The following MAN2A1 variants were observed in gnomAD, a reference collection of about 807,000 sequenced individuals.
MAN2A1 encodes the protein mannosidase alpha class 2A member 1.
A neutral mutation model predicts 142.6 loss-of-function variants in MAN2A1; 76 were observed. The ratio of observed to expected loss-of-function variants is 0.53; its 90% confidence interval spans 0.44 to 0.65. The LOEUF (loss-of-function observed/expected upper bound fraction) is 0.65. Among genes scored for constraint, MAN2A1 ranks in the 30% least tolerant of loss-of-function variants. The probability of loss-of-function intolerance (pLI) is 0.00; values close to 1 mark genes in which losing one functional copy is unlikely to be tolerated. For synonymous variants in MAN2A1, 559 were observed against 473.2 expected (o/e 1.18, Z -2.35); for missense variants, 1,311 against 1,365.1 (o/e 0.96, Z 0.62).
In MAN2A1 at chr5:109,868,818, C is replaced by T. The variant is rs1755942011; in HGVS notation, c.*1820C>T. The T allele has an allele frequency of 6.6e-6, 1 of 152,116 alleles. No homozygotes were observed. The highest frequency in any genetic ancestry group is 2.4e-5 in the African/African-American group (1 of 41,418). The allele number at this position is 152,116 out of a possible 1,614,324, so 9.4% of individuals were successfully genotyped here. A position where few individuals can be genotyped will look rare whatever the true frequency, so the allele number is the denominator to read the frequency against. On this transcript the variant is annotated 3_prime_UTR_variant, in exon 22 of 22. Transcript: ENST00000261483. ...GATGTTAGGGTTGCCAGAAGCAAATCCCAGGAATGAGATCAGTATTTTCAT... is the reference window on the plus strand; with the variant it reads ...GATGTTAGGGTTGCCAGAAGCAAATTCCAGGAATGAGATCAGTATTTTCAT...
rs1376917074 is a variant in MAN2A1 at position 109,855,259 on chromosome 5, A to G, written c.3096A>G (p.Gln1032=). The G allele has an allele frequency of 6.2e-7, 1 of 1,607,796 alleles. No homozygotes were observed. Among genetic ancestry groups the G allele is most frequent in the South Asian group, 1.1e-5 (1 of 89,808 alleles). ...NKFSSPTLEL[Q]GEFSPLQSSL... ...TCTCCTCACCTACCCTTGAGCTGCA[A>G]GGTGAATTCTCTCCATTACAGTCAT... The change falls in exon 20 of 22, where the codon CAA becomes CAG. Residue 1032 remains glutamine (Q), a synonymous_variant. Transcript: ENST00000261483.
chr5:109,713,558 G>A lies in MAN2A1; in HGVS notation c.174G>A (p.Leu58=). 1 of 1,613,044 alleles carries A rather than the reference G, an allele frequency of 6.2e-7. No individual in the cohort carries two copies. The highest frequency in any genetic ancestry group is 8.5e-7 in the Non-Finnish European group (1 of 1,179,102). Reference sequence around the variant, plus strand: ...TGTTGCAAGAAAAAATAGACCATTTGGAGCGTTTGCTAGCTGAGAATAATG... The same window carrying A: ...TGTTGCAAGAAAAAATAGACCATTTAGAGCGTTTGCTAGCTGAGAATAATG... ...LSMLQEKIDH[L]ERLLAENNEI... The change falls in exon 2 of 22, where the codon TTG becomes TTA. Residue 58 remains leucine (L), a synonymous_variant. Coordinates refer to ENST00000261483, the MANE Select transcript of MAN2A1 (RefSeq NM_002372.4).
chr5:109,780,142 C>G (rs989147309), intron 8 of MAN2A1, among the ~76,000 whole-genome samples: 2 of 152,120 alleles, frequency 1.3e-5, no homozygotes, highest in African/African-American at 4.8e-5. Context: ...ACTGCAAGGT[C>G]GGCCTCCTGG....
At chr5:109,774,498 C>G (rs1434941504) in intron 7 of MAN2A1, among the ~76,000 whole-genome samples, 1 of 151,844 alleles carries the variant, frequency 6.6e-6, no homozygotes, top group Non-Finnish European at 1.5e-5. Flanking sequence ...TATTATATGC[C>G]AAGTTGGTAC....
intron 4 of MAN2A1, among the ~76,000 whole-genome samples, chr5:109,733,377 T>C (rs1440662148): frequency 6.6e-6 from 1 of 152,194 alleles, no homozygotes; most frequent in Non-Finnish European, 1.5e-5. Flanking sequence ...CTAATTTCCC[T>C]GGCCAGAACT....
intron 1 of MAN2A1, 52 bp downstream of exon 1, chr5:109,690,604 C>T (rs751393824): frequency 9.7e-6 from 15 of 1,540,532 alleles, no homozygotes; most frequent in East Asian, 2.4e-5. Context: ...GCGTGCGGGC[C>T]CCTGGTTAGC....
At chr5:109,799,901 A>G (rs1753970583) in intron 12 of MAN2A1, among the ~76,000 whole-genome samples, 1 of 152,154 alleles carries the variant, frequency 6.6e-6, no homozygotes, top group Admixed American at 6.5e-5. Flanking sequence ...CAGCCTGGCC[A>G]ACATGGTGAA....
At chr5:109,784,641 G>A in intron 9 of MAN2A1, 103 bp from the exon 10 acceptor site, 2 of 816,702 alleles carry the variant, frequency 2.4e-6, no homozygotes, top group East Asian at 2.7e-5. Flanking sequence ...TGCTTGTACT[G>A]CAATTATGGA....
intron 3 of MAN2A1, among the ~76,000 whole-genome samples, chr5:109,716,999 A>G (rs565861268): frequency 6.6e-6 from 1 of 151,714 alleles, no homozygotes; most frequent in Admixed American, 6.5e-5. Context: ...TTATAATGGG[A>G]CATAGGATTT....
chr5:109,752,348 T>C (rs1292558789), intron 4 of MAN2A1, among the ~76,000 whole-genome samples: 2 of 152,184 alleles, frequency 1.3e-5, no homozygotes, highest in Non-Finnish European at 2.9e-5. Context: ...TGTAGGTAAA[T>C]ACTAATATTA....
At chr5:109,844,286 T>C (rs1361448474) in intron 17 of MAN2A1, among the ~76,000 whole-genome samples, 3 of 152,220 alleles carry the variant, frequency 2.0e-5, no homozygotes, top group African/African-American at 7.2e-5. Context: ...TTTCTGCTTT[T>C]AAAATTGACC....
At chr5:109,781,074 C>G (rs1379153916) in intron 8 of MAN2A1, among the ~76,000 whole-genome samples, 1 of 151,948 alleles carries the variant, frequency 6.6e-6, no homozygotes, top group Admixed American at 6.6e-5. Context: ...TGGATTAATC[C>G]ATGCCCAAAT....
intron 1 of MAN2A1, among the ~76,000 whole-genome samples, chr5:109,691,478 T>G (rs1255577952): frequency 1.3e-5 from 2 of 152,214 alleles, no homozygotes; most frequent in African/African-American, 2.4e-5. Flanking sequence ...GACAGGGCAA[T>G]CTAACTATTC....
Position 109,767,713 on chromosome 5 carries a change from G to A in MAN2A1, c.1009+5G>A. The A allele has an allele frequency of 2.1e-5, 33 of 1,608,104 alleles. No individual in the cohort carries two copies. The highest frequency in any genetic ancestry group is 2.7e-5 in the Non-Finnish European group (32 of 1,178,796). On this transcript the variant is annotated splice_donor_5th_base_variant and intron_variant, in intron 6 of 21. Coordinates refer to ENST00000261483, the MANE Select transcript of MAN2A1 (RefSeq NM_002372.4). ...TTTTTTGGAGACAGAATTGGGGTATGTAGGGTTTGATGAAAGTTGATCCCA... is the reference window on the plus strand; with the variant it reads ...TTTTTTGGAGACAGAATTGGGGTATATAGGGTTTGATGAAAGTTGATCCCA...
chr5:109,699,182 G>T (rs1044398174), intron 1 of MAN2A1, among the ~76,000 whole-genome samples: 5 of 152,190 alleles, frequency 3.3e-5, no homozygotes, highest in Admixed American at 3.3e-4. Context: ...AAGGAATTTG[G>T]TACTTCTCAG....
intron 20 of MAN2A1, among the ~76,000 whole-genome samples, chr5:109,860,995 A>G (rs779792402): frequency 1.1e-4 from 16 of 152,196 alleles, no homozygotes; most frequent in African/African-American, 2.9e-4. Flanking sequence ...CTGGCTAGGT[A>G]TCTATGAGCA....
Position 109,869,174 on chromosome 5 carries a change from A to G in MAN2A1, c.*2176A>G, listed in dbSNP as rs1755953699. 1 of 152,232 alleles carries G rather than the reference A, an allele frequency of 6.6e-6. No individual in the cohort carries two copies. The highest frequency in any genetic ancestry group is 2.4e-5 in the African/African-American group (1 of 41,462). The allele number at this position is 152,232 out of a possible 1,614,324, so 9.4% of individuals were successfully genotyped here. On this transcript the variant is annotated 3_prime_UTR_variant, in exon 22 of 22. Coordinates refer to ENST00000261483, the MANE Select transcript of MAN2A1 (RefSeq NM_002372.4). The stretch of plus-strand genomic sequence containing the variant: ...TGGGTTGTAGTCAAAAACTGATTAA[A>G]TAATTTAATGTCTCTGGCACACACT...
intron 3 of MAN2A1, among the ~76,000 whole-genome samples, chr5:109,718,014 G>A (rs1003543043): frequency 1.3e-5 from 2 of 152,178 alleles, no homozygotes; most frequent in Non-Finnish European, 2.9e-5. Context: ...TGGCACTGCA[G>A]ATTTTTTTTC....
At chr5:109,837,024 A>C (rs1580303672) in intron 16 of MAN2A1, among the ~76,000 whole-genome samples, 1 of 150,702 alleles carries the variant, frequency 6.6e-6, no homozygotes, top group Admixed American at 6.6e-5. Context: ...ACAGCATTCC[A>C]TAACATGGGT....
Sources: gnomAD v4.1 joint callset for allele counts (sites outside exome capture counted in the v4.1 genomes callset) on GRCh38, gnomAD v4.1.1 for gene constraint, MANE v1.5 for transcripts, NCBI Gene and HGNC (gene_info 2026-07-23, HGNC 2026-07-21) for gene names.